CYP4F8: variants seen among roughly 807,000 people sequenced by gnomAD.
The protein encoded by CYP4F8 is cytochrome P450 family 4 subfamily F member 8.
Under a neutral mutation model 55.0 loss-of-function variants are expected in CYP4F8, and 56 were observed. The observed-to-expected ratio is 1.02, with a 90% CI of 0.82 to 1.27. The LOEUF is 1.27. Ranked by LOEUF, CYP4F8 falls within the 50% of genes most tolerant of loss-of-function variation. The pLI is 0.00. For synonymous variants in CYP4F8, 288 were observed against 267.3 expected (o/e 1.08, Z -0.76); for missense variants, 680 against 682.4 (o/e 1.00, Z 0.04).
chr19:15,628,329 G>T lies in CYP4F8; in HGVS notation c.1143G>T (p.Leu381=), dbSNP rs1274027899. ...ACGACCTGGCCCAGTTGCCCTTCCT[G>T]ACCATGTGCCTGAAGGAGAGCCTGC... ...EWDDLAQLPF[L]TMCLKESLRL... is the part of the protein sequence containing the mutation. The change falls in exon 10 of 13, where the codon CTG becomes CTT. Residue 381 remains leucine (L), a synonymous_variant. Transcript: ENST00000612078. The T allele has an allele frequency of 1.9e-6, 3 of 1,614,042 alleles. No individual in the cohort carries two copies. Among genetic ancestry groups the T allele is most frequent in the Non-Finnish European group, 2.5e-6 (3 of 1,180,006 alleles).
At position 15,622,440 on chromosome 19, in the gene CYP4F8, T is replaced by C. The variant is rs1232681806; in HGVS notation, c.647+100T>C. 6 of 1,496,482 alleles carry C rather than the reference T, an allele frequency of 4.0e-6. 1 individual carries two copies. Among genetic ancestry groups the C allele is most frequent in the Non-Finnish European group, 3.6e-6 (4 of 1,104,140 alleles). 92.7% of individuals were successfully genotyped at this position (1,496,482 alleles called of 1,614,324 possible). ...GACAAGAAGAGCCTTCCTGGAGAGA[T>C]GATGAGAACTAGGCATTGAAGGACA... is the stretch of plus-strand genomic sequence containing the variant. On this transcript the variant is annotated intron_variant, in intron 6 of 12. Coordinates refer to ENST00000612078, the MANE Select transcript of CYP4F8 (RefSeq NM_007253.4).
In CYP4F8 at chr19:15,621,480, T is replaced by C. The variant is rs1195179918; in HGVS notation, c.526-739T>C. 2.0e-5 allele frequency among the ~76,000 whole-genome samples: 3 copies of C among 152,120 alleles called. No individual in the cohort carries two copies. In the East Asian group the frequency reaches 5.8e-4, roughly 29 times the overall value. On this transcript the variant is annotated intron_variant, in intron 5 of 12. Transcript: ENST00000612078. ...GGCAGAGGTTGCAGTGAGCCAAGAC[T>C]GTGCCACTGCACTCCAGCCTGGGCA... is the stretch of plus-strand genomic sequence containing the variant.
chr19:15,620,835 G>T (rs1438989625), intron 5 of CYP4F8, among the ~76,000 whole-genome samples: 1 of 152,218 alleles, frequency 6.6e-6, no homozygotes. Flanking sequence ...CAAAAGATGT[G>T]GATGCAGGGA....
In CYP4F8 at chr19:15,615,655, G is replaced by A. The variant is rs773376604; in HGVS notation, c.39G>A (p.Pro13=). 12 of 1,613,744 alleles carry A rather than the reference G, an allele frequency of 7.4e-6. No individual in the cohort carries two copies. Among genetic ancestry groups the A allele is most frequent in the African/African-American group, 2.7e-5 (2 of 74,920 alleles). Reference sequence around the variant, plus strand: ...GCCTGTCTTGGCTGGGCCTCAGGCCGGTGGCAGCATCCCCGTGGCTGCTCC... The same window carrying A: ...GCCTGTCTTGGCTGGGCCTCAGGCCAGTGGCAGCATCCCCGTGGCTGCTCC... ...LLSLSWLGLR[P]VAASPWLLLL... The change falls in exon 2 of 13, where the codon CCG becomes CCA. Residue 13 remains proline (P), a synonymous_variant. Coordinates refer to ENST00000612078, the MANE Select transcript of CYP4F8 (RefSeq NM_007253.4).
chr19:15,628,463 C>T, intron 10 of CYP4F8, 28 bp downstream of exon 10: 4 of 1,613,634 alleles, frequency 2.5e-6, no homozygotes, highest in South Asian at 2.2e-5. Flanking sequence ...GGAGGAGGGT[C>T]CTGGGCAGGG....
At chr19:15,615,547 T>A in intron 1 of CYP4F8, 69 bp from the exon 2 acceptor site, 2 of 1,525,686 alleles carry the variant, frequency 1.3e-6, no homozygotes, top group East Asian at 4.7e-5. Flanking sequence ...TACCCATCAT[T>A]GGTCCTGGAG....
In CYP4F8 at chr19:15,630,268, T is replaced by C. The variant is rs1350324463; in HGVS notation, c.*910T>C. The stretch of plus-strand genomic sequence containing the variant: ...GGAGTATGAATGACTCCATCACCCA[T>C]GTAGTGAGCATAGTATCTAATAGGC... On this transcript the variant is annotated 3_prime_UTR_variant, in exon 13 of 13. Coordinates refer to ENST00000612078, the MANE Select transcript of CYP4F8 (RefSeq NM_007253.4). 1 of 152,204 alleles carries C rather than the reference T, an allele frequency of 6.6e-6. No homozygotes were observed. The highest frequency in any genetic ancestry group is 6.5e-5 in the Admixed American group (1 of 15,288). The allele number at this position is 152,204 out of a possible 1,614,324, so 9.4% of individuals were successfully genotyped here.
Position 15,628,526 on chromosome 19 carries a change from G to A in CYP4F8, c.1250-5G>A, listed in dbSNP as rs750826332. ...TTGTTCTTACTGTCCTCTCCTGCAC[G>A]ACAGGGAATGTCTGTAACATCAACA... On this transcript the variant is annotated splice_polypyrimidine_tract_variant and splice_region_variant and intron_variant, in intron 10 of 12. Transcript: ENST00000612078. The A allele has an allele frequency of 6.8e-6, 11 of 1,613,884 alleles. 1 individual carries two copies. Among genetic ancestry groups the A allele is most frequent in the East Asian group, 6.7e-5 (3 of 44,874 alleles).
At chr19:15,623,445 C>G (rs118043360) in intron 7 of CYP4F8, 70 bp downstream of exon 7, 2 of 1,585,996 alleles carry the variant, frequency 1.3e-6, no homozygotes, top group Non-Finnish European at 1.7e-6. Context: ...ATTGAAGGAC[C>G]GGACTTGATA....
At chr19:15,615,913 T>TCACTCATTCCTCTGATCACG in intron 2 of CYP4F8, 99 bp downstream of exon 2, 1 of 1,235,450 alleles carries the variant, frequency 8.1e-7, no homozygotes, top group Non-Finnish European at 1.1e-6. Flanking sequence ...GCAGAGAAAC[T>TCACTCATTCCTCTGATCACG]CACTCATTCC....
intron 5 of CYP4F8, 84 bp from the exon 6 acceptor site, chr19:15,622,135 G>T: frequency 1.3e-6 from 2 of 1,518,314 alleles, no homozygotes; most frequent in South Asian, 1.3e-5. Context: ...ATGCCTCTGG[G>T]GGAGTCCATC....
rs1311055207 is a variant in CYP4F8, at chr19:15,623,075, C to T, written c.648-30C>T. 11 of 1,599,610 alleles carry T rather than the reference C, an allele frequency of 6.9e-6. No individual in the cohort carries two copies. In the South Asian group the frequency reaches 1.2e-4, roughly 18 times the overall value. Reference sequence around the variant, plus strand: ...CCCAGGCTTTCATGTGGGTAAGGAGCTGCTTCCTCTCTCTGGACTGGCCCT... The same window carrying T: ...CCCAGGCTTTCATGTGGGTAAGGAGTTGCTTCCTCTCTCTGGACTGGCCCT... On this transcript the variant is annotated intron_variant, in intron 6 of 12. Transcript: ENST00000612078.
intron 3 of CYP4F8, chr19:15,618,747 C>A (rs1972155777): frequency 4.5e-6 from 1 of 223,960 alleles, no homozygotes; most frequent in Non-Finnish European, 8.9e-6. Context: ...GCTGCTATTT[C>A]CATGACATTC....
Position 15,615,822 on chromosome 19 carries a change from G to T in CYP4F8, c.198+8G>T. On this transcript the variant is annotated splice_region_variant and intron_variant, in intron 2 of 12. Transcript: ENST00000612078. ...TTGGGTCACCTGGGCCTGGTGAGTG[G>T]CAGGAGGATGGATCTAGTGTCTCAG... The T allele has an allele frequency of 6.2e-7, 1 of 1,605,586 alleles. No homozygotes were observed. Among genetic ancestry groups the T allele is most frequent in the Non-Finnish European group, 8.5e-7 (1 of 1,175,014 alleles).
intron 5 of CYP4F8, among the ~76,000 whole-genome samples, chr19:15,620,881 G>A (rs886251486): frequency 4.0e-4 from 61 of 152,290 alleles, no homozygotes; most frequent in African/African-American, 1.4e-3. Context: ...TTTGTGAAAC[G>A]ACTAGGATTT....
chr19:15,628,430 C>T lies in CYP4F8; in HGVS notation c.1244C>T (p.Pro415Leu). Residue 415 changes from proline (P) to leucine (L), a missense_variant, in exon 10 of 13, where the codon CCC becomes CTC. Physicochemically the swap from Pro to Leu is moderately conservative, Grantham distance 98 (BLOSUM62 -3). Coordinates refer to ENST00000612078, the MANE Select transcript of CYP4F8 (RefSeq NM_007253.4). ...DVVLPDSRVIPKGNVCNINIF... is the reference protein window; with the variant it reads ...DVVLPDSRVILKGNVCNINIF... The stretch of plus-strand genomic sequence containing the variant: ...GTGCTCCCAGACAGCCGAGTCATCC[C>T]CAAAGGTGCCCTCCATGGCAGGGGA... The T allele has an allele frequency of 6.2e-7, 1 of 1,614,056 alleles. No homozygotes were observed. Among genetic ancestry groups the T allele is most frequent in the Non-Finnish European group, 8.5e-7 (1 of 1,179,968 alleles).
chr19:15,628,239 G>T (rs765402770), intron 9 of CYP4F8, 63 bp from the exon 10 acceptor site: 26 of 1,607,966 alleles, frequency 1.6e-5, no homozygotes, highest in African/African-American at 2.7e-5. Flanking sequence ...GTGGTGAGAG[G>T]GTCTCCAGGG....
intron 2 of CYP4F8, among the ~76,000 whole-genome samples, chr19:15,616,323 T>C (rs2144599640): frequency 6.6e-6 from 1 of 151,118 alleles, no homozygotes; most frequent in Non-Finnish European, 1.5e-5. Flanking sequence ...TGCTCACTCA[T>C]TCCTCTGCTT....
At position 15,628,859 on chromosome 19, in the gene CYP4F8, G is replaced by A. The variant is rs1009010683; in HGVS notation, c.1397+16G>A. On this transcript the variant is annotated intron_variant, in intron 12 of 12. Coordinates refer to ENST00000612078, the MANE Select transcript of CYP4F8 (RefSeq NM_007253.4). ...CGGGGCCCAGGTGAGGCCAGGGGGTGTCTGAGGTGGGCATGGGCTGAGGGT... is the reference window on the plus strand; with the variant it reads ...CGGGGCCCAGGTGAGGCCAGGGGGTATCTGAGGTGGGCATGGGCTGAGGGT... The A allele has an allele frequency of 1.3e-6, 2 of 1,576,754 alleles. No individual in the cohort carries two copies. The highest frequency in any genetic ancestry group is 1.4e-5 in the African/African-American group (1 of 73,108).
Sources: allele counts gnomAD v4.1 joint callset (sites outside exome capture counted in the v4.1 genomes callset), GRCh38; gene constraint gnomAD v4.1.1; transcripts MANE v1.5; gene names NCBI Gene and HGNC (gene_info 2026-07-23, HGNC 2026-07-21).